The following CRIM1 variants were observed in gnomAD, a reference collection of about 807,000 sequenced individuals.
CRIM1 encodes cysteine-rich motor neuron 1 protein.
CRIM1 carries 32 observed loss-of-function variants against 116.4 expected under a neutral mutation model. The observed-to-expected ratio is 0.27, with a 90% CI of 0.21 to 0.37. The LOEUF (loss-of-function observed/expected upper bound fraction) is 0.37. Ranked by LOEUF, CRIM1 falls within the 10% of genes least tolerant of loss-of-function variation. The probability of loss-of-function intolerance (pLI) is 1.00; values close to 1 mark genes in which losing one functional copy is unlikely to be tolerated. For missense variants in CRIM1, 1,331 were observed against 1,354.8 expected (o/e 0.98, Z 0.28); for synonymous variants, 590 against 509.2 (o/e 1.16, Z -2.13).
chr2:36,523,764 T>C (rs1431020753), intron 13 of CRIM1, among the ~76,000 whole-genome samples: 1 of 152,244 alleles, frequency 6.6e-6, no homozygotes, highest in Non-Finnish European at 1.5e-5. Flanking sequence ...GAGATCTGGC[T>C]ACACAGTTTT....
intron 14 of CRIM1, among the ~76,000 whole-genome samples, chr2:36,542,637 G>A (rs1046456602): frequency 1.5e-4 from 23 of 152,186 alleles, no homozygotes; most frequent in African/African-American, 5.5e-4. Context: ...TGAGGCCTCA[G>A]AAACCAGTGG....
chr2:36,395,010 CTTTTTTTT>C (rs772105466), intron 1 of CRIM1, among the ~76,000 whole-genome samples: 1 of 113,442 alleles, frequency 8.8e-6, no homozygotes, highest in African/African-American at 3.4e-5. Context: ...TTTGTACTGT[CTTTTTTTT>C]TTTTTTTTTT....
intron 1 of CRIM1, among the ~76,000 whole-genome samples, chr2:36,366,618 A>AG (rs1361006974): frequency 6.6e-6 from 1 of 152,184 alleles, no homozygotes; most frequent in Admixed American, 6.5e-5. Flanking sequence ...GCATTTCAAA[A>AG]CAAAAACCAT....
Position 36,500,410 on chromosome 2 carries a change from G to A in CRIM1, c.1501+1063G>A, listed in dbSNP as rs562799776. Among the ~76,000 whole-genome samples the A allele has an allele frequency of 2.0e-5, 3 of 152,272 alleles. No homozygotes were observed. In the South Asian group the frequency reaches 6.2e-4, roughly 32 times the overall value. The stretch of plus-strand genomic sequence containing the variant: ...TAAGTTTGCATTAGCTCCTTGAATT[G>A]CACTTCGTTGGCTGATATTGAGGTT... On this transcript the variant is annotated intron_variant, in intron 8 of 16. Transcript: ENST00000280527.
intron 2 of CRIM1, among the ~76,000 whole-genome samples, chr2:36,438,160 A>ATAACCAG (rs899095684): frequency 6.6e-6 from 1 of 151,664 alleles, no homozygotes; most frequent in Non-Finnish European, 1.5e-5. Flanking sequence ...AAAGAGTGGG[A>ATAACCAG]TAACCAGTAA....
chr2:36,422,620 A>G (rs933056576), intron 2 of CRIM1, among the ~76,000 whole-genome samples: 1 of 152,206 alleles, frequency 6.6e-6, no homozygotes, highest in African/African-American at 2.4e-5. Flanking sequence ...GTGTTATGAT[A>G]CTATGTTTTT....
At chr2:36,357,142 G>T (rs1180230938) in intron 1 of CRIM1, among the ~76,000 whole-genome samples, 2 of 152,072 alleles carry the variant, frequency 1.3e-5, no homozygotes, top group African/African-American at 4.8e-5. Context: ...TTTTTTCCTT[G>T]AGCTCTTCCT....
chr2:36,451,458 A>G (rs1242262909), intron 4 of CRIM1, among the ~76,000 whole-genome samples: 2 of 152,232 alleles, frequency 1.3e-5, no homozygotes, highest in Non-Finnish European at 2.9e-5. Context: ...ACATATACAT[A>G]TGGAACAACA....
chr2:36,382,377 C>G (rs1426106822), intron 1 of CRIM1, among the ~76,000 whole-genome samples: 4 of 152,246 alleles, frequency 2.6e-5, no homozygotes, highest in Non-Finnish European at 5.9e-5. Context: ...GCTTGTGTTT[C>G]CTGTGCAGCT....
chr2:36,518,106 T>C (rs1665148443), intron 12 of CRIM1, among the ~76,000 whole-genome samples: 1 of 152,226 alleles, frequency 6.6e-6, no homozygotes, highest in African/African-American at 2.4e-5. Flanking sequence ...TTTTCTACTT[T>C]TTATTTCTCA....
intron 2 of CRIM1, among the ~76,000 whole-genome samples, chr2:36,413,962 A>G (rs1673413744): frequency 6.6e-6 from 1 of 152,246 alleles, no homozygotes; most frequent in Non-Finnish European, 1.5e-5. Context: ...ATTAAAAAAT[A>G]TACATCATAA....
intron 7 of CRIM1, among the ~76,000 whole-genome samples, chr2:36,480,238 C>G (rs1475309574): frequency 1.3e-5 from 2 of 152,216 alleles, no homozygotes; most frequent in Middle Eastern, 3.2e-3. Context: ...TTTGCTATCT[C>G]TCTTCTTGTT....
intron 4 of CRIM1, among the ~76,000 whole-genome samples, chr2:36,446,868 G>T (rs542648977): frequency 8.4e-4 from 128 of 152,284 alleles, no homozygotes; most frequent in African/African-American, 3.0e-3. Context: ...ACACCTTGTG[G>T]TCCTTGAAAG....
chr2:36,494,433 A>G (rs1680443412), intron 7 of CRIM1, among the ~76,000 whole-genome samples: 1 of 152,210 alleles, frequency 6.6e-6, no homozygotes, highest in African/African-American at 2.4e-5. Flanking sequence ...AAAATAAAGA[A>G]TCAACATGTG....
intron 2 of CRIM1, among the ~76,000 whole-genome samples, chr2:36,424,042 T>C (rs2124872183): frequency 6.6e-6 from 1 of 152,176 alleles, no homozygotes; most frequent in South Asian, 2.1e-4. Flanking sequence ...GTAAAGGATA[T>C]AATAGCTGAT....
At chr2:36,440,917 G>A (rs1250303041) in intron 2 of CRIM1, among the ~76,000 whole-genome samples, 1 of 152,178 alleles carries the variant, frequency 6.6e-6, no homozygotes, top group Non-Finnish European at 1.5e-5. Flanking sequence ...AGATCTTTCA[G>A]TTACTCAAGG....
chr2:36,461,580 G>A (rs897252303), intron 4 of CRIM1, among the ~76,000 whole-genome samples: 7 of 152,100 alleles, frequency 4.6e-5, no homozygotes, highest in African/African-American at 1.2e-4. Flanking sequence ...TGTTCCCATC[G>A]GTGAAAGGGA....
rs1445326403 is a variant in CRIM1 at position 36,550,801 on chromosome 2, C to G, written c.*2100C>G. On this transcript the variant is annotated 3_prime_UTR_variant, in exon 17 of 17. Coordinates refer to ENST00000280527, the MANE Select transcript of CRIM1 (RefSeq NM_016441.3). ...TTAATCCATTCCTGGCATAAAAAGT[C>G]TTTATCAAAAAAAATTGTAGATGCT... The G allele has an allele frequency of 6.6e-6, 1 of 152,220 alleles. No individual in the cohort carries two copies. Among genetic ancestry groups the G allele is most frequent in the Non-Finnish European group, 1.5e-5 (1 of 67,918 alleles). 9.4% of individuals were successfully genotyped at this position (152,220 alleles called of 1,614,324 possible).
At chr2:36,465,483 A>G (rs1268340361) in intron 5 of CRIM1, among the ~76,000 whole-genome samples, 1 of 152,238 alleles carries the variant, frequency 6.6e-6, no homozygotes, top group East Asian at 1.9e-4. Flanking sequence ...CAACAAAATT[A>G]CACATAGAAA....
Sources: allele counts gnomAD v4.1 joint callset (sites outside exome capture counted in the v4.1 genomes callset), GRCh38; gene constraint gnomAD v4.1.1; transcripts MANE v1.5; gene names NCBI Gene and HGNC (gene_info 2026-07-23, HGNC 2026-07-21).